Variants in LSAMP observed in about 807,000 individuals in gnomAD.
LSAMP encodes the protein limbic system associated membrane protein, also known as limbic system-associated membrane protein.
Under a neutral mutation model 38.6 loss-of-function variants are expected in LSAMP, and 7 were observed. The observed-to-expected ratio is 0.18, with a 90% CI of 0.10 to 0.34. LSAMP has a LOEUF of 0.34. Ranked by LOEUF, LSAMP falls within the 10% of genes least tolerant of loss-of-function variation. The probability of loss-of-function intolerance (pLI) is 1.00; values close to 1 mark genes in which losing one functional copy is unlikely to be tolerated. For synonymous variants in LSAMP, 154 were observed against 166.8 expected, an observed-to-expected ratio of 0.92 and a Z score of 0.59; for missense variants, 313 against 420.0, an observed-to-expected ratio of 0.75 and a Z score of 2.23.
intron 1 of LSAMP, among the ~76,000 whole-genome samples, chr3:116,301,712 A>AAATT (rs766514756): frequency 6.6e-6 from 1 of 152,170 alleles, no homozygotes; most frequent in Non-Finnish European, 1.5e-5. Flanking sequence ...AAACCATGGG[A>AAATT]AATTAAGGCT....
chr3:115,838,259 A>G (rs764842800), intron 6 of LSAMP: 1 of 152,262 alleles, frequency 6.6e-6, no homozygotes, highest in Non-Finnish European at 1.5e-5. Context: ...AAGAAGTGAC[A>G]ACCTTTAAAT....
At chr3:115,840,352 C>T (rs1036813983) in intron 6 of LSAMP, among the ~76,000 whole-genome samples, 1 of 151,692 alleles carries the variant, frequency 6.6e-6, no homozygotes, top group Non-Finnish European at 1.5e-5. Flanking sequence ...TCCCCCCGCA[C>T]CCCCCCTCTC....
intron 3 of LSAMP, among the ~76,000 whole-genome samples, chr3:116,017,665 C>T (rs778289930): frequency 1.4e-4 from 21 of 152,038 alleles, no homozygotes; most frequent in Non-Finnish European, 5.9e-5. Context: ...CAATAAAGGA[C>T]ATACAATCAC....
At chr3:116,383,918 C>A (rs1249860395) in intron 1 of LSAMP, among the ~76,000 whole-genome samples, 1 of 152,038 alleles carries the variant, frequency 6.6e-6, no homozygotes, top group Non-Finnish European at 1.5e-5. Flanking sequence ...TGATTAGATG[C>A]CATAGTTGGC....
chr3:116,271,933 A>T (rs948015927), intron 1 of LSAMP, among the ~76,000 whole-genome samples: 4 of 152,108 alleles, frequency 2.6e-5, no homozygotes, highest in Non-Finnish European at 5.9e-5. Context: ...TGAATAAAAA[A>T]ATAATATGGG....
chr3:116,237,834 T>C (rs1368707852), intron 1 of LSAMP, among the ~76,000 whole-genome samples: 1 of 152,190 alleles, frequency 6.6e-6, no homozygotes, highest in Admixed American at 6.5e-5. Context: ...ATGCATATTT[T>C]AGAATTGATG....
At chr3:116,429,351 A>G (rs960239244) in intron 1 of LSAMP, among the ~76,000 whole-genome samples, 1 of 152,248 alleles carries the variant, frequency 6.6e-6, no homozygotes, top group African/African-American at 2.4e-5. Flanking sequence ...AATTGGGTTC[A>G]GCAAGAGGTG....
At chr3:116,068,528 T>C (rs1180062677) in intron 2 of LSAMP, among the ~76,000 whole-genome samples, 1 of 152,218 alleles carries the variant, frequency 6.6e-6, no homozygotes, top group East Asian at 1.9e-4. Context: ...AAGTACTCAA[T>C]GATTATCAGT....
intron 1 of LSAMP, among the ~76,000 whole-genome samples, chr3:116,348,331 G>A (rs1383291405): frequency 1.3e-5 from 2 of 151,994 alleles, no homozygotes; most frequent in African/African-American, 4.8e-5. Context: ...CTCTCATATG[G>A]CAGAGTAAGT....
At chr3:115,863,352 A>G (rs1188072300) in intron 3 of LSAMP, among the ~76,000 whole-genome samples, 1 of 152,036 alleles carries the variant, frequency 6.6e-6, no homozygotes, top group Non-Finnish European at 1.5e-5. Context: ...CAAGTGAGGG[A>G]GAGGGATGAC....
intron 1 of LSAMP, among the ~76,000 whole-genome samples, chr3:116,155,589 C>T (rs769442424): frequency 4.6e-5 from 7 of 151,804 alleles, no homozygotes; most frequent in Non-Finnish European, 7.4e-5. Flanking sequence ...ATCACAAGTA[C>T]TTGATAAGTA....
Position 115,918,695 on chromosome 3 carries a change from C to G in LSAMP, c.515-66078G>C, listed in dbSNP as rs189192516. Among the ~76,000 whole-genome samples the G allele has an allele frequency of 2.1e-5, 3 of 142,106 alleles. No individual in the cohort carries two copies. In the Admixed American group the frequency reaches 2.2e-4, roughly 10 times the overall value. The allele number at this position is 142,106 out of a possible 152,430, so 93.2% of individuals were successfully genotyped here. A position where few individuals can be genotyped will look rare whatever the true frequency, so the allele number is the denominator to read the frequency against. The stretch of plus-strand genomic sequence containing the variant: ...TTCATTTTTAGATTAGGGACAAAAT[C>G]TTAAAGAACAGGTTTTTTTTTTTTT... On this transcript the variant is annotated intron_variant, in intron 3 of 6. Coordinates refer to ENST00000490035, the MANE Select transcript of LSAMP (RefSeq NM_002338.5).
At chr3:116,336,575 A>G (rs2047922312) in intron 1 of LSAMP, among the ~76,000 whole-genome samples, 1 of 151,906 alleles carries the variant, frequency 6.6e-6, no homozygotes, top group Non-Finnish European at 1.5e-5. Flanking sequence ...CATTGTTGAC[A>G]AAGTACTCAC....
intron 3 of LSAMP, among the ~76,000 whole-genome samples, chr3:115,998,940 A>T (rs1289233486): frequency 2.0e-5 from 3 of 152,122 alleles, no homozygotes; most frequent in African/African-American, 7.2e-5. Context: ...CACCCTTCAA[A>T]AAATAAAAGA....
At chr3:116,310,823 C>T (rs1391146997) in intron 1 of LSAMP, among the ~76,000 whole-genome samples, 1 of 151,168 alleles carries the variant, frequency 6.6e-6, no homozygotes, top group African/African-American at 2.4e-5. Flanking sequence ...ACTGACTTGA[C>T]CAAGAACATA....
At chr3:115,992,574 C>T (rs904387466) in intron 3 of LSAMP, among the ~76,000 whole-genome samples, 2 of 151,718 alleles carry the variant, frequency 1.3e-5, no homozygotes, top group Non-Finnish European at 2.9e-5. Context: ...TCATAAGATG[C>T]AAATAAACAT....
rs1481427166 is a variant in LSAMP, at chr3:115,806,236, C to A, written c.*4081G>T. 2 of 152,174 alleles carry A rather than the reference C, an allele frequency of 1.3e-5. No individual in the cohort carries two copies. The highest frequency in any genetic ancestry group is 2.9e-5 in the Non-Finnish European group (2 of 68,024). 9.4% of individuals were successfully genotyped at this position (152,174 alleles called of 1,614,324 possible). On this transcript the variant is annotated 3_prime_UTR_variant, in exon 7 of 7. Coordinates refer to ENST00000490035, the MANE Select transcript of LSAMP (RefSeq NM_002338.5). ...TCTTTCTAAACAACCAAATTCAGTA[C>A]TTTTCTTCCTTTTAAGATCAAAACA... is the stretch of plus-strand genomic sequence containing the variant.
intron 3 of LSAMP, among the ~76,000 whole-genome samples, chr3:115,988,830 C>T (rs928668710): frequency 6.6e-6 from 1 of 152,048 alleles, no homozygotes; most frequent in Non-Finnish European, 1.5e-5. Flanking sequence ...CAGATGTCAT[C>T]GCTTATTTTC....
chr3:116,128,703 T>C (rs1709061279), intron 1 of LSAMP, among the ~76,000 whole-genome samples: 1 of 151,758 alleles, frequency 6.6e-6, no homozygotes, highest in African/African-American at 2.4e-5. Context: ...TGTTTCATCA[T>C]TACAATTGCA....
Sources: gnomAD v4.1 joint callset for allele counts (sites outside exome capture counted in the v4.1 genomes callset) on GRCh38, gnomAD v4.1.1 for gene constraint, MANE v1.5 for transcripts, NCBI Gene and HGNC (gene_info 2026-07-23, HGNC 2026-07-21) for gene names.